STS: variants seen among roughly 807,000 people sequenced by gnomAD.
STS encodes steroid sulfatase, also known as steryl-sulfatase.
A neutral mutation model predicts 26.8 loss-of-function variants in STS; 7 were observed. The observed-to-expected ratio is 0.26, with a 90% confidence interval of 0.15 to 0.49. STS has a LOEUF of 0.49. Among genes scored for constraint, STS ranks in the 20% least tolerant of loss-of-function variants. STS has a pLI of 0.98. For missense variants in STS, 434 were observed against 465.6 expected (o/e 0.93, Z 0.63); for synonymous variants, 199 against 189.4 (o/e 1.05, Z -0.42).
At chrX:7,290,907 G>A (rs1925384503) in intron 7 of STS, among the ~76,000 whole-genome samples, 1 of 111,745 alleles carries the variant, frequency 8.9e-6, no homozygotes, top group Non-Finnish European at 1.9e-5. Flanking sequence ...CAGAGCTTTT[G>A]TTGCATCACA....
intron 6 of STS, among the ~76,000 whole-genome samples, chrX:7,271,126 C>A (rs1239555380): frequency 9.1e-6 from 1 of 110,355 alleles, no homozygotes; most frequent in African/African-American, 3.3e-5. Context: ...TCAGCAAATT[C>A]TGTCACTCAC....
intron 1 of STS, among the ~76,000 whole-genome samples, chrX:7,159,924 G>C (rs141373959): frequency 4.0e-3 from 454 of 112,124 alleles, no homozygotes; most frequent in Non-Finnish European, 6.7e-3. Flanking sequence ...ATTCACACAC[G>C]ATGAGCGTTC....
chrX:7,334,240 T>G, intron 10 of STS, 133 bp downstream of exon 10: 3 of 927,442 alleles, frequency 3.2e-6, no homozygotes, highest in Non-Finnish European at 4.6e-6. Flanking sequence ...GCCCATGCTT[T>G]GCTTTGTCCT....
chrX:7,344,151 C>G (rs186667857), intron 10 of STS, among the ~76,000 whole-genome samples: 7 of 111,990 alleles, frequency 6.3e-5, no homozygotes, highest in Non-Finnish European at 1.1e-4. Flanking sequence ...CGAATTTGTG[C>G]TATGATAACT....
intron 2 of STS, among the ~76,000 whole-genome samples, chrX:7,219,271 A>G (rs764172384): frequency 8.9e-6 from 1 of 111,810 alleles, no homozygotes; most frequent in Non-Finnish European, 1.9e-5. Context: ...AAGTTTCATA[A>G]CACTGCTGCT....
chrX:7,194,648 G>C (rs1283118203), intron 2 of STS, among the ~76,000 whole-genome samples: 1 of 111,686 alleles, frequency 9.0e-6, no homozygotes, highest in African/African-American at 3.3e-5. Context: ...TAGTTGACCT[G>C]GCCTACCCAG....
intron 7 of STS, among the ~76,000 whole-genome samples, chrX:7,279,311 A>ATGTGTG (rs532132394): frequency 0.014 from 1,078 of 78,079 alleles, 19 homozygotes; most frequent in African/African-American, 0.018. Context: ...ATATATATAT[A>ATGTGTG]TGTGTGTGTG....
At chrX:7,157,589 C>A (rs1933161256) in intron 1 of STS, among the ~76,000 whole-genome samples, 1 of 111,858 alleles carries the variant, frequency 8.9e-6, no homozygotes, top group African/African-American at 3.2e-5. Flanking sequence ...AAAGTAAAAT[C>A]TTTTCACTTC....
intron 2 of STS, among the ~76,000 whole-genome samples, chrX:7,214,868 C>T (rs1166920201): frequency 2.9e-5 from 3 of 104,060 alleles, no homozygotes; most frequent in East Asian, 5.9e-4. Flanking sequence ...GCTGTGAATG[C>T]CATTAATTCA....
chrX:7,182,985 T>A (rs1187826380), intron 1 of STS, among the ~76,000 whole-genome samples: 2 of 111,621 alleles, frequency 1.8e-5, no homozygotes, highest in African/African-American at 6.5e-5. Flanking sequence ...ATGATTGGCG[T>A]CCTTATCAAA....
At chrX:7,180,348 GCA>G (rs1206486789) in intron 1 of STS, among the ~76,000 whole-genome samples, 1 of 111,908 alleles carries the variant, frequency 8.9e-6, no homozygotes, top group African/African-American at 3.2e-5. Flanking sequence ...TCCCTCACAT[GCA>G]CAGTTCAAAA....
At chrX:7,213,432 A>T (rs1258726708) in intron 2 of STS, among the ~76,000 whole-genome samples, 1 of 110,898 alleles carries the variant, frequency 9.0e-6, no homozygotes, top group East Asian at 2.8e-4. Flanking sequence ...CTAATAGGCG[A>T]GAGTTGTAAA....
chrX:7,232,470 A>T (rs1319857781), intron 2 of STS, among the ~76,000 whole-genome samples: 1 of 111,764 alleles, frequency 8.9e-6, no homozygotes, highest in African/African-American at 3.3e-5. Context: ...GGGTATTCTT[A>T]TGCCTTAGTT....
chrX:7,209,796 C>A lies in STS; in HGVS notation c.-5+18788C>A, dbSNP rs1328235309. ...CCCGTCACCCCCACCCCCAAATAGG[C>A]CCTGGTGTGTGTTGTTCCCCTCTCT... On this transcript the variant is annotated intron_variant, in intron 2 of 10. Coordinates refer to ENST00000674429, the MANE Select transcript of STS (RefSeq NM_001320752.2). Among the ~76,000 whole-genome samples, 3 of 109,577 alleles carry A rather than the reference C, an allele frequency of 2.7e-5. No homozygotes were observed. In the East Asian group the frequency reaches 8.5e-4, roughly 31 times the overall value.
intron 2 of STS, among the ~76,000 whole-genome samples, chrX:7,193,322 G>A (rs1043299435): frequency 3.6e-5 from 4 of 112,156 alleles, no homozygotes; most frequent in Non-Finnish European, 5.6e-5. Flanking sequence ...ACACGGGCTG[G>A]CATGAATTTC....
chrX:7,330,255 C>T (rs929263570), intron 9 of STS, among the ~76,000 whole-genome samples: 1 of 111,907 alleles, frequency 8.9e-6, no homozygotes, highest in Non-Finnish European at 1.9e-5. Context: ...CATGAAAATT[C>T]TTTCTGTGGG....
intron 10 of STS, among the ~76,000 whole-genome samples, chrX:7,349,375 G>A (rs1281179484): frequency 1.7e-4 from 11 of 63,609 alleles, no homozygotes; most frequent in East Asian, 1.1e-3. Context: ...TCATTCTGTC[G>A]CCCAGGCTGG....
At chrX:7,255,867 C>T (rs1212566645) in intron 3 of STS, among the ~76,000 whole-genome samples, 1 of 112,329 alleles carries the variant, frequency 8.9e-6, no homozygotes, top group Non-Finnish European at 1.9e-5. Flanking sequence ...CCCCTTCAAG[C>T]TATGCATCAT....
At chrX:7,252,965 A>G (rs762877846) in intron 2 of STS, among the ~76,000 whole-genome samples, 43 of 111,737 alleles carry the variant, frequency 3.8e-4, no homozygotes, top group Non-Finnish European at 6.0e-4. Flanking sequence ...AGCCTGGGCA[A>G]CATAACAAGA....
Sources: allele counts gnomAD v4.1 joint callset (sites outside exome capture counted in the v4.1 genomes callset), GRCh38; gene constraint gnomAD v4.1.1; transcripts MANE v1.5; gene names NCBI Gene and HGNC (gene_info 2026-07-23, HGNC 2026-07-21).